Variants in ARFGAP3 observed in about 807,000 individuals in gnomAD.
ARFGAP3 encodes ARF GTPase activating protein 3, also known as ADP-ribosylation factor GTPase-activating protein 3.
In ARFGAP3, 72 loss-of-function variants were observed where a neutral mutation model predicts 75.0. That is an observed-to-expected ratio of 0.96 (90% CI 0.79 to 1.17). ARFGAP3 has a LOEUF of 1.17. Ranked by LOEUF, ARFGAP3 falls within the 50% of genes most tolerant of loss-of-function variation. The pLI, the probability that ARFGAP3 is intolerant of heterozygous loss-of-function variation, is 0.00. For synonymous variants in ARFGAP3, 221 were observed against 217.9 expected (o/e 1.01, Z -0.13); for missense variants, 620 against 626.6 (o/e 0.99, Z 0.11).
intron 11 of ARFGAP3, among the ~76,000 whole-genome samples, chr22:42,814,125 T>C (rs1414459731): frequency 6.6e-6 from 1 of 152,218 alleles, no homozygotes; most frequent in Non-Finnish European, 1.5e-5. Context: ...ATACTGTTTA[T>C]ATCCTAGAAA....
At chr22:42,852,879 C>T (rs1250629166) in intron 1 of ARFGAP3, among the ~76,000 whole-genome samples, 1 of 152,176 alleles carries the variant, frequency 6.6e-6, no homozygotes, top group Non-Finnish European at 1.5e-5. Flanking sequence ...ATTCTCCTGC[C>T]TCAGCCTCCC....
intron 2 of ARFGAP3, among the ~76,000 whole-genome samples, chr22:42,842,512 A>C (rs1174557126): frequency 6.6e-6 from 1 of 151,178 alleles, no homozygotes; most frequent in Non-Finnish European, 1.5e-5. Flanking sequence ...CAGTGAGGCG[A>C]TCTCAGCTCA....
intron 1 of ARFGAP3, among the ~76,000 whole-genome samples, chr22:42,850,431 G>A (rs769444440): frequency 1.9e-4 from 29 of 151,704 alleles, no homozygotes; most frequent in Admixed American, 1.5e-3. Context: ...AAAATTAGCC[G>A]GCGTGGTGGA....
At chr22:42,856,549 G>A (rs1271491310) in intron 1 of ARFGAP3, among the ~76,000 whole-genome samples, 1 of 152,162 alleles carries the variant, frequency 6.6e-6, no homozygotes, top group Non-Finnish European at 1.5e-5. Context: ...AGGAGAGGGA[G>A]GAGGCTGTGG....
chr22:42,835,595 G>A, intron 3 of ARFGAP3, 102 bp from the exon 4 acceptor site: 2 of 1,358,792 alleles, frequency 1.5e-6, no homozygotes, highest in Non-Finnish European at 2.0e-6. Flanking sequence ...GCCGAGGCAG[G>A]CAGATCACGA....
Position 42,810,746 on chromosome 22 carries a change from T to C in ARFGAP3, c.1196+67A>G, listed in dbSNP as rs893485256. 78 of 1,405,026 alleles carry C rather than the reference T, an allele frequency of 5.6e-5. 1 individual carries two copies. The Admixed American group carries it at 1.3e-3, about 24-fold the overall frequency. The allele number at this position is 1,405,026 out of a possible 1,614,324, so 87.0% of individuals were successfully genotyped here. A position where few individuals can be genotyped will look rare whatever the true frequency, so the allele number is the denominator to read the frequency against. On this transcript the variant is annotated intron_variant, in intron 12 of 15. Coordinates refer to ENST00000263245, the MANE Select transcript of ARFGAP3 (RefSeq NM_014570.5). The stretch of plus-strand genomic sequence containing the variant: ...TTACAAGGGTTTTCATGTCATCATG[T>C]TATCAGCAATTTTTTCCCAGAAATG...
intron 1 of ARFGAP3, among the ~76,000 whole-genome samples, chr22:42,856,841 C>T (rs890095518): frequency 4.6e-5 from 7 of 151,686 alleles, no homozygotes; most frequent in African/African-American, 1.4e-4. Context: ...GCCCCCCGCC[C>T]CAAGAGCTCG....
At chr22:42,846,182 A>AT (rs1445255805) in intron 2 of ARFGAP3, among the ~76,000 whole-genome samples, 1 of 152,178 alleles carries the variant, frequency 6.6e-6, no homozygotes, top group Admixed American at 6.5e-5. Context: ...ACAATTCCAG[A>AT]TGGGCAGCCT....
chr22:42,836,971 T>C (rs1926546204), intron 3 of ARFGAP3, among the ~76,000 whole-genome samples: 1 of 152,236 alleles, frequency 6.6e-6, no homozygotes, highest in East Asian at 1.9e-4. Context: ...CTAAACCGAA[T>C]GACCACTCAT....
Position 42,797,505 on chromosome 22 carries a change from TG to T in ARFGAP3, c.*82del. On this transcript the variant is annotated 3_prime_UTR_variant, in exon 16 of 16. Transcript: ENST00000263245. ...TAGCAAAACAATCTGCAAAACTATC[TG>T]GACTTCACTGCCGCCTGAGATGTGG... is the stretch of plus-strand genomic sequence containing the variant. The T allele has an allele frequency of 6.4e-7, 1 of 1,561,072 alleles. No homozygotes were observed. The highest frequency in any genetic ancestry group is 8.8e-7 in the Non-Finnish European group (1 of 1,133,414).
chr22:42,808,450 T>TTATTA (rs1925223046), intron 13 of ARFGAP3, among the ~76,000 whole-genome samples: 1 of 150,994 alleles, frequency 6.6e-6, no homozygotes, highest in South Asian at 2.1e-4. Flanking sequence ...TGTTTAAAAG[T>TTATTA]TATTAAGTAA....
At chr22:42,803,185 G>A (rs777829127) in intron 14 of ARFGAP3, among the ~76,000 whole-genome samples, 26 of 152,088 alleles carry the variant, frequency 1.7e-4, no homozygotes, top group Non-Finnish European at 3.5e-4. Context: ...TAAATTTTTT[G>A]TAGAGATGGG....
intron 2 of ARFGAP3, among the ~76,000 whole-genome samples, chr22:42,846,542 C>T (rs2146583139): frequency 6.6e-6 from 1 of 152,288 alleles, no homozygotes; most frequent in South Asian, 2.1e-4. Context: ...GGTTTACTCA[C>T]CAGAGGGGCC....
intron 1 of ARFGAP3, among the ~76,000 whole-genome samples, chr22:42,847,933 C>T (rs1442688020): frequency 6.6e-6 from 1 of 151,136 alleles, no homozygotes; most frequent in Non-Finnish European, 1.5e-5. Context: ...GGTGCAATCT[C>T]GGCTCACTGT....
intron 9 of ARFGAP3, among the ~76,000 whole-genome samples, chr22:42,819,621 C>T (rs1164680837): frequency 6.6e-6 from 1 of 152,174 alleles, no homozygotes; most frequent in African/African-American, 2.4e-5. Flanking sequence ...TTCCTTCCTT[C>T]CTACCAAGTG....
intron 11 of ARFGAP3, 93 bp from the exon 12 acceptor site, chr22:42,811,037 T>C: frequency 9.2e-6 from 14 of 1,525,918 alleles, no homozygotes; most frequent in Non-Finnish European, 1.2e-5. Flanking sequence ...GGATGCCTCC[T>C]TGAAGTTAAT....
At chr22:42,803,745 A>G (rs1234958993) in intron 14 of ARFGAP3, among the ~76,000 whole-genome samples, 1 of 152,178 alleles carries the variant, frequency 6.6e-6, no homozygotes, top group African/African-American at 2.4e-5. Flanking sequence ...GCTACAGTGA[A>G]AGAGAGTGCC....
In ARFGAP3 at chr22:42,799,004, G is replaced by A. The variant is rs5758947; in HGVS notation, c.1533+35C>T. The stretch of plus-strand genomic sequence containing the variant: ...TCATTTTCAAACTGCTGAACCTACC[G>A]TCATAGCCAGTGAGCACTGCCCCAT... On this transcript the variant is annotated intron_variant, in intron 15 of 15. Transcript: ENST00000263245. 81 of 1,582,814 alleles carry A rather than the reference G, an allele frequency of 5.1e-5. No homozygotes were observed. The East Asian group carries it at 1.4e-3, about 27-fold the overall frequency.
chr22:42,799,020 ACTG>A lies in ARFGAP3; in HGVS notation c.1533+16_1533+18del, dbSNP rs1924730088. ...GAACCTACCGTCATAGCCAGTGAGC[ACTG>A]CCCCATTCCACTGACCTGAATTGAA... On this transcript the variant is annotated intron_variant, in intron 15 of 15. Transcript: ENST00000263245. 2 of 1,608,710 alleles carry A rather than the reference ACTG, an allele frequency of 1.2e-6. No homozygotes were observed. The highest frequency in any genetic ancestry group is 1.7e-5 in the Admixed American group (1 of 60,026).
Sources: gnomAD v4.1 joint callset for allele counts (sites outside exome capture counted in the v4.1 genomes callset) on GRCh38, gnomAD v4.1.1 for gene constraint, MANE v1.5 for transcripts, NCBI Gene and HGNC (gene_info 2026-07-23, HGNC 2026-07-21) for gene names.